BMP7: variants seen among roughly 807,000 people sequenced by gnomAD.
BMP7 encodes the protein bone morphogenetic protein 7.
BMP7 carries 12 observed loss-of-function variants against 41.2 expected under a neutral mutation model. The ratio of observed to expected loss-of-function variants is 0.29; its 90% CI spans 0.19 to 0.47. The LOEUF is 0.47. Among genes scored for constraint, BMP7 ranks in the 20% least tolerant of loss-of-function variants. The pLI is 0.99. For missense variants in BMP7, 467 were observed against 606.0 expected (o/e 0.77, Z 2.41); for synonymous variants, 248 against 250.0 (o/e 0.99, Z 0.07).
At chr20:57,185,305 C>T (rs1170141716) in intron 3 of BMP7, among the ~76,000 whole-genome samples, 1 of 152,190 alleles carries the variant, frequency 6.6e-6, no homozygotes, top group Non-Finnish European at 1.5e-5. Flanking sequence ...CAGGGAGGTC[C>T]CAAGTGCCCT....
chr20:57,213,279 CT>C lies in BMP7; in HGVS notation c.612-10657del, dbSNP rs1419920867. Among the ~76,000 whole-genome samples the C allele has an allele frequency of 6.6e-6, 1 of 152,192 alleles. No individual in the cohort carries two copies. Among genetic ancestry groups the C allele is most frequent in the Non-Finnish European group, 1.5e-5 (1 of 68,040 alleles). ...ACAGTCAGAAGGCGAGTCAGTGGCC[CT>C]TATGTTCTAGCCCTCAGTTTCTCCA... On this transcript the variant is annotated intron_variant, in intron 2 of 6. Transcript: ENST00000395863. This position sits in a 1 kb window ranked among gnomAD's most constrained non-coding sequence, Gnocchi z 4.4.
chr20:57,227,438 A>C (rs542881821), intron 2 of BMP7, among the ~76,000 whole-genome samples: 5 of 142,128 alleles, frequency 3.5e-5, no homozygotes, highest in African/African-American at 1.3e-4. Context: ...CGTAGCTGTG[A>C]TGGTTCTTCT....
chr20:57,243,817 T>G (rs2066079176), intron 1 of BMP7: 1 of 152,222 alleles, frequency 6.6e-6, no homozygotes, highest in Non-Finnish European at 1.5e-5. Context: ...TTCATTTCCC[T>G]CCCATAGCCT....
At chr20:57,230,548 C>A (rs1048713150) in intron 1 of BMP7, among the ~76,000 whole-genome samples, 1 of 151,580 alleles carries the variant, frequency 6.6e-6, no homozygotes, top group African/African-American at 2.4e-5. Flanking sequence ...CCAGTGACCT[C>A]CCCAGGGCCA....
intron 1 of BMP7, among the ~76,000 whole-genome samples, chr20:57,264,727 A>C (rs907649624): frequency 6.6e-6 from 1 of 152,072 alleles, no homozygotes; most frequent in African/African-American, 2.4e-5. Context: ...ACCACTAAAT[A>C]CTTAAAATAG....
Position 57,266,252 on chromosome 20 carries a change from G to A in BMP7, c.-130C>T. The A allele has an allele frequency of 2.1e-6, 2 of 958,016 alleles. No individual in the cohort carries two copies. Among genetic ancestry groups the A allele is most frequent in the Non-Finnish European group, 2.8e-6 (2 of 724,994 alleles). The allele number at this position is 958,016 out of a possible 1,614,324, so 59.3% of individuals were successfully genotyped here. A position where few individuals can be genotyped will look rare whatever the true frequency, so the allele number is the denominator to read the frequency against. ...GACGGGCCCCGCTGCGCCCGCGCCA[G>A]ACATGGCCCCTCCCCGGCCGGCCGC... is the stretch of plus-strand genomic sequence containing the variant. On this transcript the variant is annotated 5_prime_UTR_variant, in exon 1 of 7. Transcript: ENST00000395863.
chr20:57,227,194 C>T (rs1262612764), intron 2 of BMP7, among the ~76,000 whole-genome samples: 3 of 152,144 alleles, frequency 2.0e-5, no homozygotes, highest in Non-Finnish European at 2.9e-5. Context: ...CCTGGGCTCA[C>T]GTCCTAATGT....
intron 1 of BMP7, among the ~76,000 whole-genome samples, chr20:57,240,270 G>A (rs6014962): frequency 6.6e-6 from 1 of 152,056 alleles, no homozygotes; most frequent in Non-Finnish European, 1.5e-5. Flanking sequence ...AAATCTCTAG[G>A]GTGGGGAAAA....
At chr20:57,251,553 C>T (rs983252529) in intron 1 of BMP7, among the ~76,000 whole-genome samples, 1 of 152,190 alleles carries the variant, frequency 6.6e-6, no homozygotes, top group South Asian at 2.1e-4. Context: ...CTTTCGCAGA[C>T]TCAGAGGAGC....
intron 2 of BMP7, among the ~76,000 whole-genome samples, 154 bp from the exon 3 acceptor site, chr20:57,202,777 C>T (rs1019113584): frequency 6.6e-6 from 1 of 152,158 alleles, no homozygotes; most frequent in Admixed American, 6.5e-5. Context: ...GATCCAGGCA[C>T]AAAGACCCCT....
chr20:57,245,647 T>C (rs2066087380), intron 1 of BMP7, among the ~76,000 whole-genome samples: 2 of 149,946 alleles, frequency 1.3e-5, no homozygotes, highest in African/African-American at 2.5e-5. Context: ...TTTTTTTTTT[T>C]TTTTTTTTTG....
chr20:57,211,935 G>A (rs230200), intron 2 of BMP7, among the ~76,000 whole-genome samples: 3,604 of 152,246 alleles, frequency 0.024, 132 homozygotes, highest in African/African-American at 0.082. Context: ...CTAAGTTGGC[G>A]GTCACTGGGC....
rs923538842 is a variant in BMP7, at chr20:57,184,768, C to G, written c.761-849G>C. Among the ~76,000 whole-genome samples the G allele has an allele frequency of 1.3e-5, 2 of 152,228 alleles. 1 individual carries two copies. Among genetic ancestry groups the G allele is most frequent in the Admixed American group, 1.3e-4 (2 of 15,300 alleles). ...GGCCACATAAAGACACAGATGCAGA[C>G]AGCCTGGGGAAGACAGAGGCCATGA... On this transcript the variant is annotated intron_variant, in intron 3 of 6. Coordinates refer to ENST00000395863, the MANE Select transcript of BMP7 (RefSeq NM_001719.3).
intron 2 of BMP7, chr20:57,225,844 A>T: frequency 2.1e-6 from 1 of 471,220 alleles, no homozygotes; most frequent in Non-Finnish European, 4.4e-6. Context: ...TTCCTTGCTC[A>T]ATGCTCCCAC....
chr20:57,195,994 G>A (rs1008377982), intron 3 of BMP7, among the ~76,000 whole-genome samples: 1 of 152,136 alleles, frequency 6.6e-6, no homozygotes, highest in Non-Finnish European at 1.5e-5. Context: ...CCCCAACGAG[G>A]GAGTATAACA....
rs371252088 is a variant in BMP7 at position 57,206,310 on chromosome 20, G to A, written c.612-3687C>T. Among the ~76,000 whole-genome samples, 26 of 151,990 alleles carry A rather than the reference G, an allele frequency of 1.7e-4. No homozygotes were observed. The South Asian group carries it at 4.4e-3, about 26-fold the overall frequency. On this transcript the variant is annotated intron_variant, in intron 2 of 6. Coordinates refer to ENST00000395863, the MANE Select transcript of BMP7 (RefSeq NM_001719.3). ...AGAATCTCGGTGCTTTCCACGCCTCGGTTCTCTGAATCTCCCCGCCAGCCC... is the reference window on the plus strand; with the variant it reads ...AGAATCTCGGTGCTTTCCACGCCTCAGTTCTCTGAATCTCCCCGCCAGCCC...
Position 57,223,526 on chromosome 20 carries a change from TAA to T in BMP7, c.611+4701_611+4702del, listed in dbSNP as rs990801026. ...GGAATCACTGAGGCACGGCCATGGCTAAGATGGTGACTGCTGAAATCTAAGAG... is the reference window on the plus strand; with the variant it reads ...GGAATCACTGAGGCACGGCCATGGCTGATGGTGACTGCTGAAATCTAAGAG... On this transcript the variant is annotated intron_variant, in intron 2 of 6. Transcript: ENST00000395863. Among the ~76,000 whole-genome samples the T allele has an allele frequency of 3.8e-4, 58 of 152,194 alleles. 1 individual carries two copies. The highest frequency in any genetic ancestry group is 1.3e-3 in the African/African-American group (52 of 41,450).
intron 3 of BMP7, among the ~76,000 whole-genome samples, chr20:57,188,316 A>C (rs1984267724): frequency 6.6e-6 from 1 of 152,242 alleles, no homozygotes; most frequent in African/African-American, 2.4e-5. Flanking sequence ...ACAAACCTTC[A>C]ACTCGTTACA....
intron 2 of BMP7, among the ~76,000 whole-genome samples, chr20:57,222,895 C>T (rs1376429791): frequency 6.9e-6 from 1 of 144,146 alleles, no homozygotes; most frequent in East Asian, 2.0e-4. Flanking sequence ...CCAAAGGGAT[C>T]TTCACCCTTA....
Sources: gnomAD v4.1 joint callset for allele counts (sites outside exome capture counted in the v4.1 genomes callset) on GRCh38, gnomAD v4.1.1 for gene constraint, Gnocchi (gnomAD v3.1) non-coding constraint, MANE v1.5 for transcripts, NCBI Gene and HGNC (gene_info 2026-07-23, HGNC 2026-07-21) for gene names.